RECK: variants seen among roughly 807,000 people sequenced by gnomAD.
The protein encoded by RECK is reversion inducing cysteine rich protein with kazal motifs.
In RECK, 69 loss-of-function variants were observed where a neutral mutation model predicts 115.1. The observed-to-expected ratio is 0.60, with a 90% CI of 0.49 to 0.73. RECK has a LOEUF of 0.73. Ranked by LOEUF, RECK falls within the 30% of genes least tolerant of loss-of-function variation. The pLI is 0.00. For synonymous variants in RECK, 414 were observed against 419.7 expected (o/e 0.99, Z 0.17); for missense variants, 1,047 against 1,203.7 (o/e 0.87, Z 1.93).
Position 36,091,309 on chromosome 9 carries a change from A to G in RECK, c.1051A>G (p.Arg351Gly), listed in dbSNP as rs767648280. Reference sequence around the variant, plus strand: ...CCGGGAACCTTGCCAGTTGGGCTGTAGAAACCTTACTTACTGTACTAATTT... The same window carrying G: ...CCGGGAACCTTGCCAGTTGGGCTGTGGAAACCTTACTTACTGTACTAATTT... Reference protein sequence around the residue: ...DVREPCQLGCRNLTYCTNFNN... With the variant: ...DVREPCQLGCGNLTYCTNFNN... Residue 351 changes from arginine (R) to glycine (G), a missense_variant, in exon 10 of 21, where the codon AGA becomes GGA. By Grantham distance (125) the Arg-to-Gly change is moderately radical. Coordinates refer to ENST00000377966, the MANE Select transcript of RECK (RefSeq NM_021111.3). 3 of 1,597,884 alleles carry G rather than the reference A, an allele frequency of 1.9e-6. No homozygotes were observed. Among genetic ancestry groups the G allele is most frequent in the South Asian group, 1.1e-5 (1 of 88,298 alleles).
At chr9:36,044,246 AAG>A (rs1399352879) in intron 1 of RECK, among the ~76,000 whole-genome samples, 3 of 151,820 alleles carry the variant, frequency 2.0e-5, no homozygotes, top group Admixed American at 6.6e-5. Flanking sequence ...GCTATTATAA[AAG>A]AGGTTGAGTT....
At position 36,075,504 on chromosome 9, in the gene RECK, T is replaced by C. The variant is rs1369883525; in HGVS notation, c.406-5101T>C. 3.9e-5 allele frequency among the ~76,000 whole-genome samples: 6 copies of C among 152,250 alleles called. No homozygotes were observed. The South Asian group carries it at 8.3e-4, about 21-fold the overall frequency. On this transcript the variant is annotated intron_variant, in intron 6 of 20. Coordinates refer to ENST00000377966, the MANE Select transcript of RECK (RefSeq NM_021111.3). ...TAATAATCACTTGTTTAGTGATATTTCCAAGTCATGACATTAAACTCCTTA... is the reference window on the plus strand; with the variant it reads ...TAATAATCACTTGTTTAGTGATATTCCCAAGTCATGACATTAAACTCCTTA...
intron 4 of RECK, among the ~76,000 whole-genome samples, chr9:36,061,580 A>G (rs1821768917): frequency 6.6e-6 from 1 of 152,198 alleles, no homozygotes; most frequent in South Asian, 2.1e-4. Flanking sequence ...TGGATAATTT[A>G]GTATGTTCTA....
At chr9:36,104,497 C>A (rs1258501460) in intron 12 of RECK, among the ~76,000 whole-genome samples, 1 of 147,854 alleles carries the variant, frequency 6.8e-6, no homozygotes. Flanking sequence ...CCACCACGCC[C>A]AGCTAAATTT....
chr9:36,091,318 A>G lies in RECK; in HGVS notation c.1060A>G (p.Thr354Ala), dbSNP rs1823148452. ...TTGCCAGTTGGGCTGTAGAAACCTT[A>G]CTTACTGTACTAATTTTAACAACAG... ...EPCQLGCRNLTYCTNFNNRPT... is the reference protein window; with the variant it reads ...EPCQLGCRNLAYCTNFNNRPT... Residue 354 changes from threonine (T) to alanine (A), a missense_variant, in exon 10 of 21, where the codon ACT (threonine) becomes GCT (alanine). Coordinates refer to ENST00000377966, the MANE Select transcript of RECK (RefSeq NM_021111.3). 1 of 1,570,146 alleles carries G rather than the reference A, an allele frequency of 6.4e-7. No individual in the cohort carries two copies. The highest frequency in any genetic ancestry group is 1.4e-5 in the African/African-American group (1 of 72,484).
Position 36,063,906 on chromosome 9 carries a change from A to G in RECK, c.357+26A>G, listed in dbSNP as rs376332251. 3.1e-5 allele frequency: 50 copies of G among 1,607,100 alleles called. No individual in the cohort carries two copies. The Middle Eastern group carries it at 4.9e-4, about 16-fold the overall frequency. Reference sequence around the variant, plus strand: ...GTAACACTGGGTAGTCAGGCTCTCAAACATCATGGAGTGCAGTTTGGTTTT... The same window carrying G: ...GTAACACTGGGTAGTCAGGCTCTCAGACATCATGGAGTGCAGTTTGGTTTT... On this transcript the variant is annotated intron_variant, in intron 5 of 20. Coordinates refer to ENST00000377966, the MANE Select transcript of RECK (RefSeq NM_021111.3).
intron 6 of RECK, among the ~76,000 whole-genome samples, chr9:36,068,813 G>A (rs2132597977): frequency 6.6e-6 from 1 of 152,312 alleles, no homozygotes; most frequent in Non-Finnish European, 1.5e-5. Flanking sequence ...GATCTGCAAG[G>A]AAAACTGCTT....
chr9:36,077,555 T>C (rs1482104138), intron 6 of RECK, among the ~76,000 whole-genome samples: 1 of 152,164 alleles, frequency 6.6e-6, no homozygotes, highest in Non-Finnish European at 1.5e-5. Context: ...GAAGGAACAT[T>C]CTTTTGAACC....
rs576789188 is a variant in RECK, at chr9:36,057,638, G to A, written c.160-1189G>A. On this transcript the variant is annotated intron_variant, in intron 2 of 20. Coordinates refer to ENST00000377966, the MANE Select transcript of RECK (RefSeq NM_021111.3). ...GTTCAAGACCAGCCATGGCAACATG[G>A]TGAAACCCTGTCTCTACAAAAAAAT... Among the ~76,000 whole-genome samples the A allele has an allele frequency of 4.6e-5, 7 of 152,176 alleles. No individual in the cohort carries two copies. The South Asian group carries it at 8.3e-4, about 18-fold the overall frequency.
At chr9:36,043,010 CTTTTTTTTTT>C (rs61673918) in intron 1 of RECK, among the ~76,000 whole-genome samples, 3 of 59,462 alleles carry the variant, frequency 5.0e-5, no homozygotes, top group South Asian at 9.4e-4. Flanking sequence ...CCTTAGCCCA[CTTTTTTTTTT>C]TTTTTTTTTT....
In RECK at chr9:36,083,527, A is replaced by T; in HGVS notation, c.602A>T (p.Tyr201Phe). The T allele has an allele frequency of 6.2e-7, 1 of 1,613,928 alleles. No individual in the cohort carries two copies. The highest frequency in any genetic ancestry group is 1.1e-5 in the South Asian group (1 of 91,060). ...SPQLIHCVNN[Y>F]TQSYPMRNPT... ...CAATTAATACATTGTGTGAACAATT[A>T]TACTCAATCTTATCCAATGAGGAAC... The change falls in exon 8 of 21, where the codon TAT becomes TTT. Residue 201 changes from tyrosine to phenylalanine, a missense_variant. Tyr to Phe is a conservative substitution (Grantham distance 22). Transcript: ENST00000377966.
In RECK at chr9:36,052,313, T is replaced by C. The variant is rs767141359; in HGVS notation, c.149T>C (p.Val50Ala). 3.7e-6 allele frequency: 6 copies of C among 1,606,782 alleles called. No individual in the cohort carries two copies. In the Admixed American group the frequency reaches 6.7e-5, roughly 18 times the overall value. Residue 50 changes from valine (V) to alanine (A), a missense_variant, in exon 2 of 21, where the codon GTA becomes GCA. Physicochemically the swap from Val to Ala is moderately conservative, Grantham distance 64. Transcript: ENST00000377966. Reference protein sequence around the residue: ...HSKDNQMCRDVCEQIFSSKSE... With the variant: ...HSKDNQMCRDACEQIFSSKSE... Reference sequence around the variant, plus strand: ...AAGGATAACCAAATGTGCCGTGATGTATGTGAACAGGTAAGATTACATAAT... The same window carrying C: ...AAGGATAACCAAATGTGCCGTGATGCATGTGAACAGGTAAGATTACATAAT...
Position 36,037,004 on chromosome 9 carries a change from G to T in RECK, c.6G>T (p.Ala2=), listed in dbSNP as rs1820686506. 1 of 1,429,276 alleles carries T rather than the reference G, an allele frequency of 7.0e-7. No homozygotes were observed. Among genetic ancestry groups the T allele is most frequent in the Non-Finnish European group, 9.2e-7 (1 of 1,089,200 alleles). The allele number at this position is 1,429,276 out of a possible 1,614,324, so 88.5% of individuals were successfully genotyped here. A position where few individuals can be genotyped will look rare whatever the true frequency, so the allele number is the denominator to read the frequency against. Residue 2 remains alanine (A), a synonymous_variant, in exon 1 of 21, where the codon GCG becomes GCT. Transcript: ENST00000377966. The part of the protein sequence containing the change: M[A]TVRASLRGAL... ...TGGAGCCGCCCGGCCCGGACATGGC[G>T]ACCGTCCGGGCCTCTCTGCGAGGTG...
intron 2 of RECK, 22 bp from the exon 3 acceptor site, chr9:36,058,805 C>CTTTT: frequency 4.9e-6 from 6 of 1,235,172 alleles, no homozygotes; most frequent in East Asian, 2.7e-5. Flanking sequence ...GCCACAAAAA[C>CTTTT]TTTTTTTTTT....
intron 10 of RECK, among the ~76,000 whole-genome samples, chr9:36,095,801 T>G (rs892408390): frequency 1.5e-4 from 23 of 151,764 alleles, no homozygotes; most frequent in African/African-American, 5.6e-4. Flanking sequence ...CCAGGCACGG[T>G]GGCTCACGCC....
At chr9:36,118,717 A>G (rs1452163977) in intron 17 of RECK, 40 bp from the exon 18 acceptor site, 5 of 1,589,262 alleles carry the variant, frequency 3.1e-6, no homozygotes, top group African/African-American at 2.7e-5. Flanking sequence ...AAGGTACAAC[A>G]TAGACATTTC....
chr9:36,102,831 C>T (rs1823613195), intron 12 of RECK, among the ~76,000 whole-genome samples: 1 of 151,678 alleles, frequency 6.6e-6, no homozygotes. Context: ...TGGCGGGCGC[C>T]TGTAGTCCCA....
rs1395768448 is a variant in RECK, at chr9:36,081,068, A to G, written c.439+430A>G. ...CTCCAGGAGTTCAGAGAAAGAAGGG[A>G]TCATATTCTGCAGGGGTACTTAGAG... is the stretch of plus-strand genomic sequence containing the variant. On this transcript the variant is annotated intron_variant, in intron 7 of 20. Coordinates refer to ENST00000377966, the MANE Select transcript of RECK (RefSeq NM_021111.3). Among the ~76,000 whole-genome samples, 6 of 152,260 alleles carry G rather than the reference A, an allele frequency of 3.9e-5. No homozygotes were observed. In the East Asian group the frequency reaches 7.7e-4, roughly 20 times the overall value.
intron 20 of RECK, among the ~76,000 whole-genome samples, chr9:36,121,911 A>G (rs1327026401): frequency 6.6e-6 from 1 of 152,198 alleles, no homozygotes; most frequent in East Asian, 1.9e-4. Context: ...TGGGATGCAG[A>G]GGCACCAGGG....
Sources: gnomAD v4.1 joint callset for allele counts (sites outside exome capture counted in the v4.1 genomes callset) on GRCh38, gnomAD v4.1.1 for gene constraint, MANE v1.5 for transcripts, NCBI Gene and HGNC (gene_info 2026-07-23, HGNC 2026-07-21) for gene names.